The following KCMF1 variants were observed in gnomAD, a reference collection of about 807,000 sequenced individuals.
KCMF1 encodes potassium channel modulatory factor 1.
A neutral mutation model predicts 41.1 loss-of-function variants in KCMF1; 3 were observed. That is an observed-to-expected ratio of 0.07 (90% CI 0.03 to 0.19). The LOEUF (loss-of-function observed/expected upper bound fraction) is 0.19, where lower values mean the gene tolerates loss of function less well. Among genes scored for constraint, KCMF1 ranks in the 10% least tolerant of loss-of-function variants. KCMF1 has a pLI of 1.00. For synonymous variants in KCMF1, 142 were observed against 164.5 expected (o/e 0.86, Z 1.04); for missense variants, 286 against 488.9 (o/e 0.58, Z 3.91).
intron 1 of KCMF1, chr2:85,013,963 A>G (rs1674709211): frequency 6.6e-6 from 1 of 152,120 alleles, no homozygotes; most frequent in Non-Finnish European, 1.5e-5. Flanking sequence ...CTGTGCATAT[A>G]TTATTAGCCG....
Position 84,979,192 on chromosome 2 carries a change from A to G in KCMF1, c.16+7725A>G, listed in dbSNP as rs762506778. Among the ~76,000 whole-genome samples the G allele has an allele frequency of 2.6e-5, 4 of 152,146 alleles. No individual in the cohort carries two copies. The South Asian group carries it at 6.2e-4, about 24-fold the overall frequency. ...TAGAAGCTCCAAAAGTTTTTAGTGA[A>G]GGCTAAGCTGTCATTGAATTATCCT... On this transcript the variant is annotated intron_variant, in intron 1 of 6. Coordinates refer to ENST00000409785, the MANE Select transcript of KCMF1 (RefSeq NM_020122.5).
At chr2:84,982,062 C>A (rs931522380) in intron 1 of KCMF1, among the ~76,000 whole-genome samples, 2 of 152,138 alleles carry the variant, frequency 1.3e-5, no homozygotes, top group African/African-American at 4.8e-5. Context: ...GGATTACAGG[C>A]GTGAGCCACT....
intron 5 of KCMF1, among the ~76,000 whole-genome samples, chr2:85,047,592 A>G (rs1675703157): frequency 6.8e-6 from 1 of 148,134 alleles, no homozygotes; most frequent in African/African-American, 2.5e-5. Flanking sequence ...CTTGGGAAAA[A>G]TCTTAAAAAA....
chr2:85,028,441 G>A (rs1374577238), intron 2 of KCMF1, among the ~76,000 whole-genome samples: 2 of 140,976 alleles, frequency 1.4e-5, no homozygotes, highest in Admixed American at 7.3e-5. Context: ...CGACTCAGCC[G>A]CCCAAAGTGC....
chr2:84,996,925 C>T (rs1193034763), intron 1 of KCMF1, among the ~76,000 whole-genome samples: 1 of 152,158 alleles, frequency 6.6e-6, no homozygotes, highest in Non-Finnish European at 1.5e-5. Flanking sequence ...GCCTACTACA[C>T]ATCTGGGCTA....
At chr2:85,046,658 AT>A (rs1675674566) in intron 5 of KCMF1, among the ~76,000 whole-genome samples, 1 of 151,668 alleles carries the variant, frequency 6.6e-6, no homozygotes, top group Non-Finnish European at 1.5e-5. Flanking sequence ...TTTTTGTGAG[AT>A]TTGTGTTCTT....
At chr2:85,033,707 T>G (rs1296716764) in intron 2 of KCMF1, among the ~76,000 whole-genome samples, 1 of 152,060 alleles carries the variant, frequency 6.6e-6, no homozygotes, top group Non-Finnish European at 1.5e-5. Flanking sequence ...GACACCACCT[T>G]CCAACACCAC....
intron 1 of KCMF1, among the ~76,000 whole-genome samples, chr2:85,023,655 CTG>C (rs1675011275): frequency 6.6e-6 from 1 of 152,282 alleles, no homozygotes; most frequent in African/African-American, 2.4e-5. Flanking sequence ...GTTACAAAAA[CTG>C]CCGTCAACAT....
At chr2:85,035,255 G>T (rs1675380650) in intron 3 of KCMF1, 100 bp downstream of exon 3, 1 of 965,622 alleles carries the variant, frequency 1.0e-6, no homozygotes, top group Non-Finnish European at 1.5e-6. Flanking sequence ...CCTGCTCAGT[G>T]TAATGATACC....
intron 1 of KCMF1, among the ~76,000 whole-genome samples, chr2:84,993,841 G>T (rs1348876402): frequency 2.6e-5 from 4 of 151,926 alleles, no homozygotes; most frequent in Non-Finnish European, 4.4e-5. Flanking sequence ...CTCCCAAAGT[G>T]CTGGGATTAC....
chr2:84,979,618 A>G (rs938766143), intron 1 of KCMF1, among the ~76,000 whole-genome samples: 1 of 152,144 alleles, frequency 6.6e-6, no homozygotes, highest in Admixed American at 6.6e-5. Flanking sequence ...CATATTCATA[A>G]AAGTTAAAAG....
intron 1 of KCMF1, among the ~76,000 whole-genome samples, chr2:84,996,911 T>C (rs1318397081): frequency 6.6e-6 from 1 of 152,206 alleles, no homozygotes; most frequent in African/African-American, 2.4e-5. Flanking sequence ...ACCTAGACGG[T>C]ATAGCCTACT....
At chr2:85,046,357 C>A in intron 5 of KCMF1, 79 bp downstream of exon 5, 1 of 1,101,430 alleles carries the variant, frequency 9.1e-7, no homozygotes, top group Non-Finnish European at 1.3e-6. Context: ...ATGCCAGGTG[C>A]GGTGGCTCAC....
chr2:85,046,378 C>A, intron 5 of KCMF1, 100 bp downstream of exon 5: 1 of 870,130 alleles, frequency 1.1e-6, no homozygotes, highest in Non-Finnish European at 1.8e-6. Context: ...ACCTTTAATC[C>A]CAGCACTCTG....
chr2:84,987,287 GTA>G (rs780148513), intron 1 of KCMF1, among the ~76,000 whole-genome samples: 19 of 152,294 alleles, frequency 1.2e-4, no homozygotes, highest in Non-Finnish European at 2.4e-4. Flanking sequence ...ATGAAAATTG[GTA>G]TCACTGAAGC....
rs869089697 is a variant in KCMF1 at position 84,996,430 on chromosome 2, A to ATTT, written c.16+24983_16+24985dup. 1.5e-3 allele frequency among the ~76,000 whole-genome samples: 183 copies of ATTT among 124,046 alleles called. 3 individuals are homozygous for ATTT. Among genetic ancestry groups the ATTT allele is most frequent in the Non-Finnish European group, 2.1e-3 (125 of 60,470 alleles). The allele number at this position is 124,046 out of a possible 152,430, so 81.4% of individuals were successfully genotyped here. A position where few individuals can be genotyped will look rare whatever the true frequency, so the allele number is the denominator to read the frequency against. On this transcript the variant is annotated intron_variant, in intron 1 of 6. Coordinates refer to ENST00000409785, the MANE Select transcript of KCMF1 (RefSeq NM_020122.5). ...ATACTTTATACCTAAATAACCTAAG[A>ATTT]TTTTTTTTTTTTTTTTTTTTTTGAG... is the stretch of plus-strand genomic sequence containing the variant.
intron 2 of KCMF1, among the ~76,000 whole-genome samples, chr2:85,034,598 C>A (rs1208219751): frequency 1.3e-5 from 2 of 152,108 alleles, no homozygotes; most frequent in African/African-American, 4.8e-5. Flanking sequence ...AAGGATATTA[C>A]AAATGTAAAC....
intron 1 of KCMF1, among the ~76,000 whole-genome samples, chr2:84,972,871 T>TA (rs1170115152): frequency 6.6e-6 from 1 of 152,194 alleles, no homozygotes; most frequent in African/African-American, 2.4e-5. Flanking sequence ...GTTGAGTACT[T>TA]ACAGTGTTCA....
At chr2:84,979,396 C>T (rs1057102930) in intron 1 of KCMF1, among the ~76,000 whole-genome samples, 1 of 151,752 alleles carries the variant, frequency 6.6e-6, no homozygotes, top group Non-Finnish European at 1.5e-5. Context: ...TGATGGCAGG[C>T]GCCTGTAATC....
Sources: allele counts gnomAD v4.1 joint callset (sites outside exome capture counted in the v4.1 genomes callset), GRCh38; gene constraint gnomAD v4.1.1; transcripts MANE v1.5; gene names NCBI Gene and HGNC (gene_info 2026-07-23, HGNC 2026-07-21).